CR2: variants seen among roughly 807,000 people sequenced by gnomAD.
CR2 encodes the protein complement C3d receptor 2, also known as complement receptor type 2.
A neutral mutation model predicts 123.0 loss-of-function variants in CR2; 96 were observed. The observed-to-expected ratio is 0.78, with a 90% CI of 0.66 to 0.93. The LOEUF is 0.93. Among genes scored for constraint, CR2 ranks in the 40% least tolerant of loss-of-function variants. The probability of loss-of-function intolerance (pLI) is 0.00; values close to 1 mark genes in which losing one functional copy is unlikely to be tolerated. For missense variants in CR2, 1,258 were observed against 1,361.0 expected (o/e 0.92, Z 1.19); for synonymous variants, 484 against 469.5 (o/e 1.03, Z -0.40).
chr1:207,461,098 G>T (rs746508193), intron 1 of CR2, among the ~76,000 whole-genome samples: 1 of 151,974 alleles, frequency 6.6e-6, no homozygotes, highest in East Asian at 1.9e-4. Context: ...TTCACAAATA[G>T]CGTACATTAG....
chr1:207,471,398 A>T, intron 8 of CR2, 25 bp from the exon 9 acceptor site: 1 of 1,569,272 alleles, frequency 6.4e-7, no homozygotes, highest in Non-Finnish European at 8.8e-7. Context: ...TGATGGCAAA[A>T]TGACATACGT....
chr1:207,486,230 C>CAAAAAAAAAAAAA lies in CR2; in HGVS notation c.*18+672_*18+684dup, dbSNP rs1173937738. On this transcript the variant is annotated intron_variant, in intron 19 of 19. Coordinates refer to ENST00000367057, the MANE Select transcript of CR2 (RefSeq NM_001006658.3). ...TGGACAACAGAGCAAGACTGCATCT[C>CAAAAAAAAAAAAA]AAAAAAAAAAAAAAAAAAAAAAAAA... Among the ~76,000 whole-genome samples the CAAAAAAAAAAAAA allele has an allele frequency of 1.5e-3, 63 of 43,004 alleles. 4 individuals carry two copies. The highest frequency in any genetic ancestry group is 5.9e-3 in the East Asian group (4 of 680). 28.2% of individuals were successfully genotyped at this position (43,004 alleles called of 152,430 possible). A position where few individuals can be genotyped will look rare whatever the true frequency, so the allele number is the denominator to read the frequency against.
In CR2 at chr1:207,454,440, G is replaced by C. The variant is rs1558184794; in HGVS notation, c.22G>C (p.Gly8Arg). 1 of 1,585,612 alleles carries C rather than the reference G, an allele frequency of 6.3e-7. No homozygotes were observed. The highest frequency in any genetic ancestry group is 8.5e-7 in the Non-Finnish European group (1 of 1,172,384). ...TGGCATGGGCGCCGCGGGCCTGCTC[G>C]GGGTTTTCTTGGCTCTCGTCGCACC... MGAAGLL[G>R]VFLALVAPGV... Residue 8 changes from glycine (G) to arginine (R), a missense_variant, in exon 1 of 20, where the codon GGG (glycine) becomes CGG (arginine). By Grantham distance (125) the Gly-to-Arg change is moderately radical. Coordinates refer to ENST00000367057, the MANE Select transcript of CR2 (RefSeq NM_001006658.3). The surrounding 1 kb of genome is among the most constrained non-coding windows in gnomAD (Gnocchi z 4.3).
At chr1:207,488,944 A>G (rs1006414505) in intron 19 of CR2, among the ~76,000 whole-genome samples, 198 bp from the exon 20 acceptor site, 1 of 152,254 alleles carries the variant, frequency 6.6e-6, no homozygotes, top group Non-Finnish European at 1.5e-5. Flanking sequence ...ATGAATGTAT[A>G]TAAAATGTAG....
chr1:207,473,064 C>G lies in CR2; in HGVS notation c.1863C>G (p.Phe621Leu). The G allele has an allele frequency of 6.2e-7, 1 of 1,613,984 alleles. No individual in the cohort carries two copies. Among genetic ancestry groups the G allele is most frequent in the Non-Finnish European group, 8.5e-7 (1 of 1,179,922 alleles). ...TATCTGGCAAGGAAGCCCCATATTT[C>G]TACAATGACACTGTGACATTCAAGT... ...YKISGKEAPY[F>L]YNDTVTFKCY... The change falls in exon 10 of 20, where the codon TTC becomes TTG. Residue 621 changes from phenylalanine to leucine, a missense_variant. Coordinates refer to ENST00000367057, the MANE Select transcript of CR2 (RefSeq NM_001006658.3).
Position 207,472,996 on chromosome 1 carries a change from G to T in CR2, c.1795G>T (p.Ala599Ser). The T allele has an allele frequency of 6.2e-7, 1 of 1,613,932 alleles. No homozygotes were observed. The highest frequency in any genetic ancestry group is 8.5e-7 in the Non-Finnish European group (1 of 1,179,926). The change falls in exon 10 of 20, where the codon GCT becomes TCT. Residue 599 changes from alanine to serine, a missense_variant. Ala to Ser is a moderately conservative substitution (Grantham distance 99). Transcript: ENST00000367057. ...PAPLCKLSLLAVQCSHVHIAN... is the reference protein window; with the variant it reads ...PAPLCKLSLLSVQCSHVHIAN... The stretch of plus-strand genomic sequence containing the variant: ...TCCCCTGTGTAAACTTTCCCTCCTT[G>T]CTGTCCAGTGCTCACATGTCCATAT...
rs543047560 is a variant in CR2, at chr1:207,466,860, G to T, written c.393G>T (p.Trp131Cys). The T allele has an allele frequency of 3.1e-6, 5 of 1,609,712 alleles. No homozygotes were observed. Among genetic ancestry groups the T allele is most frequent in the South Asian group, 1.1e-5 (1 of 90,506 alleles). Residue 131 changes from tryptophan to cysteine, a missense_variant, in exon 2 of 20, where the codon TGG becomes TGT. Physicochemically the swap from Trp to Cys is radical, Grantham distance 215 (BLOSUM62 -2). Transcript: ENST00000367057. ...CCATGAACGGAAACAAGTCTGTTTG[G>T]TGTCAAGCAAATAATATGTGGGGGC... The part of the protein sequence containing the change: ...NFSMNGNKSV[W>C]CQANNMWGPT...
At chr1:207,474,432 T>C (rs1658378678) in intron 13 of CR2, 109 bp downstream of exon 13, 2 of 833,074 alleles carry the variant, frequency 2.4e-6, no homozygotes, top group Admixed American at 4.0e-5. Flanking sequence ...GTCTCCCTCA[T>C]TGGAGGTTAG....
intron 18 of CR2, among the ~76,000 whole-genome samples, chr1:207,483,454 TAG>T (rs1285006033): frequency 6.6e-6 from 1 of 152,064 alleles, no homozygotes; most frequent in African/African-American, 2.4e-5. Flanking sequence ...ACTTAGAGTG[TAG>T]AGTTTACCAG....
In CR2 at chr1:207,478,046, C is replaced by T; in HGVS notation, c.3064C>T (p.Pro1022Ser). The change falls in exon 16 of 20, where the codon CCT becomes TCT. Residue 1022 changes from proline to serine, a missense_variant. Coordinates refer to ENST00000367057, the MANE Select transcript of CR2 (RefSeq NM_001006658.3). ...SQCQSDHQWN[P>S]PLAVCRSRSL... ...GTGCCAATCGGATCACCAATGGAAC[C>T]CTCCCCTGGCGGTTTGCAGATCCCG... 1.2e-6 allele frequency: 2 copies of T among 1,613,922 alleles called. No homozygotes were observed. Among genetic ancestry groups the T allele is most frequent in the Non-Finnish European group, 1.7e-6 (2 of 1,179,936 alleles).
At chr1:207,478,811 A>C (rs1187502238) in intron 16 of CR2, among the ~76,000 whole-genome samples, 1 of 152,080 alleles carries the variant, frequency 6.6e-6, no homozygotes, top group Non-Finnish European at 1.5e-5. Flanking sequence ...TTTGCATTCT[A>C]ACCTGAGAAA....
chr1:207,462,496 T>G (rs1005184600), intron 1 of CR2, among the ~76,000 whole-genome samples: 1 of 152,218 alleles, frequency 6.6e-6, no homozygotes, highest in African/African-American at 2.4e-5. Context: ...ATATGCATTT[T>G]TTCCCTATAA....
Position 207,466,904 on chromosome 1 carries a change from G to A in CR2, c.437G>A (p.Cys146Tyr). 1 of 1,587,454 alleles carries A rather than the reference G, an allele frequency of 6.3e-7. No homozygotes were observed. The highest frequency in any genetic ancestry group is 2.2e-5 in the East Asian group (1 of 44,702). The change falls in exon 2 of 20, where the codon TGT becomes TAT. Residue 146 changes from cysteine (C) to tyrosine (Y), a missense_variant. Physicochemically the swap from Cys to Tyr is radical, Grantham distance 194. Coordinates refer to ENST00000367057, the MANE Select transcript of CR2 (RefSeq NM_001006658.3). ...NMWGPTRLPTCVSVFPLECPA... is the reference protein window; with the variant it reads ...NMWGPTRLPTYVSVFPLECPA... Reference sequence around the variant, plus strand: ...TGGGGGCCGACACGACTACCAACCTGTGTAAGTGGTGAGTATGAAAAGAAA... The same window carrying A: ...TGGGGGCCGACACGACTACCAACCTATGTAAGTGGTGAGTATGAAAAGAAA...
At chr1:207,477,484 T>C (rs1658474299) in intron 15 of CR2, among the ~76,000 whole-genome samples, 1 of 151,814 alleles carries the variant, frequency 6.6e-6, no homozygotes, top group African/African-American at 2.4e-5. Context: ...ATGACTACAC[T>C]GAAAAGAAGA....
rs1206765412 is a variant in CR2 at position 207,471,485 on chromosome 1, T to C, written c.1556T>C (p.Ile519Thr). Reference protein sequence around the residue: ...CQGTIPWFMEIRLCKEITCPP... With the variant: ...CQGTIPWFMETRLCKEITCPP... ...GGCACAATTCCTTGGTTTATGGAGA[T>C]TCGTCTTTGTAAAGGTGAGTAGCAA... Residue 519 changes from isoleucine to threonine, a missense_variant, in exon 9 of 20, where the codon ATT (isoleucine) becomes ACT (threonine). Transcript: ENST00000367057. 6 of 1,610,482 alleles carry C rather than the reference T, an allele frequency of 3.7e-6. No individual in the cohort carries two copies. The highest frequency in any genetic ancestry group is 5.1e-6 in the Non-Finnish European group (6 of 1,176,816).
At chr1:207,456,893 C>T (rs1034920122) in intron 1 of CR2, among the ~76,000 whole-genome samples, 2 of 152,198 alleles carry the variant, frequency 1.3e-5, no homozygotes, top group African/African-American at 2.4e-5. Context: ...TCTCTTTATT[C>T]TTTGAGCACA....
chr1:207,468,482 A>C (rs748875749), intron 2 of CR2, 45 bp from the exon 3 acceptor site: 9 of 1,592,056 alleles, frequency 5.7e-6, no homozygotes, highest in Non-Finnish European at 7.8e-6. Context: ...ATTGTGAAGG[A>C]TGCATCATCT....
At chr1:207,485,969 G>T (rs192271678) in intron 19 of CR2, among the ~76,000 whole-genome samples, 2 of 152,170 alleles carry the variant, frequency 1.3e-5, no homozygotes, top group East Asian at 1.9e-4. Flanking sequence ...GGTGGCTCAC[G>T]CCTGTAATCC....
At position 207,489,630 on chromosome 1, in the gene CR2, C is replaced by T. The variant is rs1387761439; in HGVS notation, c.*507C>T. On this transcript the variant is annotated 3_prime_UTR_variant, in exon 20 of 20. Transcript: ENST00000367057. ...AGCTTCCTCCTCTGGTGGTGTTAATCATTTCATTTTTACCCTTACTTGGTT... is the reference window on the plus strand; with the variant it reads ...AGCTTCCTCCTCTGGTGGTGTTAATTATTTCATTTTTACCCTTACTTGGTT... 1 of 152,132 alleles carries T rather than the reference C, an allele frequency of 6.6e-6. No homozygotes were observed. Among genetic ancestry groups the T allele is most frequent in the Non-Finnish European group, 1.5e-5 (1 of 68,012 alleles). 9.4% of individuals were successfully genotyped at this position (152,132 alleles called of 1,614,324 possible). A position where few individuals can be genotyped will look rare whatever the true frequency, so the allele number is the denominator to read the frequency against.
Sources: gnomAD v4.1 joint callset for allele counts (sites outside exome capture counted in the v4.1 genomes callset) on GRCh38, gnomAD v4.1.1 for gene constraint, Gnocchi (gnomAD v3.1) non-coding constraint, MANE v1.5 for transcripts, NCBI Gene and HGNC (gene_info 2026-07-23, HGNC 2026-07-21) for gene names.